PLEK: variants seen among roughly 807,000 people sequenced by gnomAD.
The protein encoded by PLEK is platelet 47 kDa protein.
A neutral mutation model predicts 43.9 loss-of-function variants in PLEK; 25 were observed. The ratio of observed to expected loss-of-function variants is 0.57; its 90% CI spans 0.41 to 0.79. The LOEUF (loss-of-function observed/expected upper bound fraction) is 0.79. Among genes scored for constraint, PLEK ranks in the 30% least tolerant of loss-of-function variants. The probability of loss-of-function intolerance (pLI) is 0.00; values close to 1 mark genes in which losing one functional copy is unlikely to be tolerated. For synonymous variants in PLEK, 152 were observed against 144.4 expected, an observed-to-expected ratio of 1.05 and a Z score of -0.38; for missense variants, 396 against 413.3, an observed-to-expected ratio of 0.96 and a Z score of 0.36.
At chr2:68,366,264 A>G (rs560732669) in intron 1 of PLEK, among the ~76,000 whole-genome samples, 1 of 152,336 alleles carries the variant, frequency 6.6e-6, no homozygotes, top group South Asian at 2.1e-4. Flanking sequence ...AGTTGAATGA[A>G]CAGTGAATGT....
At chr2:68,381,125 C>T (rs1162546532) in intron 3 of PLEK, among the ~76,000 whole-genome samples, 1 of 116,318 alleles carries the variant, frequency 8.6e-6, no homozygotes, top group Non-Finnish European at 1.7e-5. Context: ...TTCCCTCATA[C>T]TGGGTACCAG....
Position 68,380,819 on chromosome 2 carries a change from G to T in PLEK, c.295G>T (p.Ala99Ser), listed in dbSNP as rs1452449040. ...RDAWVRDIKK[A>S]IKCIEGGQKF... ...TGCCTGGGTTCGGGATATCAAGAAGGCCATTAAATGCATTGAAGGAGGCCA... is the reference window on the plus strand; with the variant it reads ...TGCCTGGGTTCGGGATATCAAGAAGTCCATTAAATGCATTGAAGGAGGCCA... The change falls in exon 3 of 9, where the codon GCC becomes TCC. Residue 99 changes from alanine (A) to serine (S), a missense_variant. Transcript: ENST00000234313. 6.2e-7 allele frequency: 1 copy of T among 1,613,950 alleles called. No homozygotes were observed. Among genetic ancestry groups the T allele is most frequent in the Admixed American group, 1.7e-5 (1 of 59,996 alleles).
At position 68,393,238 on chromosome 2, in the gene PLEK, C is replaced by A; in HGVS notation, c.839C>A (p.Pro280His). 1 of 1,599,948 alleles carries A rather than the reference C, an allele frequency of 6.3e-7. No individual in the cohort carries two copies. The highest frequency in any genetic ancestry group is 8.6e-7 in the Non-Finnish European group (1 of 1,167,096). Residue 280 changes from proline to histidine, a missense_variant, in exon 7 of 9, where the codon CCT becomes CAT. By Grantham distance (77) the Pro-to-His change is moderately conservative. Coordinates refer to ENST00000234313, the MANE Select transcript of PLEK (RefSeq NM_002664.3). ...EDPAYLHYYD[P>H]AGAEDPLGAI... ...CCTGCCTACCTGCACTACTATGACC[C>A]TGCTGGGGTAAGGTCCTGTGGTTCA...
At position 68,386,533 on chromosome 2, in the gene PLEK, C is replaced by A. The variant is rs182137525; in HGVS notation, c.504C>A (p.Asn168Lys). ...GNCVIDWLVS[N>K]QSVRNRQEGL... is the part of the protein sequence containing the mutation. Reference sequence around the variant, plus strand: ...GCGTCATTGATTGGCTGGTATCCAACCAGTCTGTTAGGAATCGCCAGGAAG... The same window carrying A: ...GCGTCATTGATTGGCTGGTATCCAAACAGTCTGTTAGGAATCGCCAGGAAG... Residue 168 changes from asparagine (N) to lysine (K), a missense_variant, in exon 5 of 9, where the codon AAC becomes AAA. Asn to Lys is a moderately conservative substitution (Grantham distance 94). Coordinates refer to ENST00000234313, the MANE Select transcript of PLEK (RefSeq NM_002664.3). The A allele has an allele frequency of 2.0e-5, 33 of 1,613,654 alleles. No individual in the cohort carries two copies. In the African/African-American group the frequency reaches 3.2e-4, roughly 16 times the overall value.
At chr2:68,393,394 T>C (rs112764322) in intron 7 of PLEK, 149 bp downstream of exon 7, 8 of 625,888 alleles carry the variant, frequency 1.3e-5, no homozygotes, top group African/African-American at 9.1e-5. Context: ...TCTACCTTTT[T>C]CTATCCCCTT....
Position 68,396,032 on chromosome 2 carries a change from A to T in PLEK, c.*216A>T. The stretch of plus-strand genomic sequence containing the variant: ...CCCTCTGCCCCTATCCATGACCCCC[A>T]AGCAGATATAACAAGCTGTGCAGCC... On this transcript the variant is annotated 3_prime_UTR_variant, in exon 9 of 9. Transcript: ENST00000234313. 1 of 511,396 alleles carries T rather than the reference A, an allele frequency of 2.0e-6. No individual in the cohort carries two copies. 31.7% of individuals were successfully genotyped at this position (511,396 alleles called of 1,614,324 possible).
intron 6 of PLEK, among the ~76,000 whole-genome samples, chr2:68,392,200 C>A (rs1354267199): frequency 1.4e-5 from 2 of 138,210 alleles, no homozygotes; most frequent in African/African-American, 5.9e-5. Flanking sequence ...CTTTCTCCTC[C>A]TCCTCCTCTT....
chr2:68,371,766 C>T lies in PLEK; in HGVS notation c.42+6373C>T, dbSNP rs529036991. Among the ~76,000 whole-genome samples the T allele has an allele frequency of 2.0e-5, 3 of 151,066 alleles. No individual in the cohort carries two copies. In the East Asian group the frequency reaches 6.0e-4, roughly 30 times the overall value. ...ATCATTTTCCTTGCTTTCGATCTTA[C>T]ACTTCTCTGTATACAACCACAACGA... On this transcript the variant is annotated intron_variant, in intron 1 of 8. Transcript: ENST00000234313.
At chr2:68,368,549 C>T (rs1673327359) in intron 1 of PLEK, among the ~76,000 whole-genome samples, 1 of 152,216 alleles carries the variant, frequency 6.6e-6, no homozygotes, top group Non-Finnish European at 1.5e-5. Flanking sequence ...AGAGCCAGAG[C>T]AAGGCACGAA....
intron 6 of PLEK, among the ~76,000 whole-genome samples, chr2:68,391,539 G>A (rs1673859311): frequency 6.6e-6 from 1 of 152,212 alleles, no homozygotes; most frequent in African/African-American, 2.4e-5. Context: ...TGACTCTGCA[G>A]GGGTTCCAGC....
At position 68,395,864 on chromosome 2, in the gene PLEK, A is replaced by T. The variant is rs758638620; in HGVS notation, c.*48A>T. The T allele has an allele frequency of 2.6e-6, 4 of 1,537,050 alleles. No individual in the cohort carries two copies. The Admixed American group carries it at 6.8e-5, about 26-fold the overall frequency. ...CCCTCCTGAGGGAAGCCCATGGACA[A>T]GCTCAGTCCAGGACCTGTCCACTTC... is the stretch of plus-strand genomic sequence containing the variant. On this transcript the variant is annotated 3_prime_UTR_variant, in exon 9 of 9. Coordinates refer to ENST00000234313, the MANE Select transcript of PLEK (RefSeq NM_002664.3).
chr2:68,385,926 A>T (rs899612887), intron 4 of PLEK, among the ~76,000 whole-genome samples: 1 of 152,148 alleles, frequency 6.6e-6, no homozygotes, highest in Non-Finnish European at 1.5e-5. Flanking sequence ...AATTTCTCCA[A>T]CACCCAGTAG....
chr2:68,383,557 G>T (rs536086434), intron 4 of PLEK, among the ~76,000 whole-genome samples: 1 of 152,266 alleles, frequency 6.6e-6, no homozygotes, highest in South Asian at 2.1e-4. Context: ...GATGGGCAAA[G>T]GATGGTGAGG....
In PLEK at chr2:68,380,224, T is replaced by A. The variant is rs535069934; in HGVS notation, c.43-104T>A. On this transcript the variant is annotated intron_variant, in intron 1 of 8. Transcript: ENST00000234313. ...GGAACAGAGATGATGTCACCAAACA[T>A]TTTAAAAACCAACTGTAAGTAAATA... 4.1e-3 allele frequency: 3,906 copies of A among 946,250 alleles called. 21 individuals are homozygous for A. Among genetic ancestry groups the A allele is most frequent in the Non-Finnish European group, 4.6e-3 (2,921 of 638,372 alleles). 58.6% of individuals were successfully genotyped at this position (946,250 alleles called of 1,614,324 possible).
At chr2:68,383,676 G>T (rs1196260838) in intron 4 of PLEK, among the ~76,000 whole-genome samples, 2 of 152,144 alleles carry the variant, frequency 1.3e-5, no homozygotes, top group Non-Finnish European at 2.9e-5. Context: ...TGTACAATTT[G>T]GTACTAAGTT....
At chr2:68,386,435 G>A (rs1173388570) in intron 4 of PLEK, 67 bp from the exon 5 acceptor site, 1 of 1,287,500 alleles carries the variant, frequency 7.8e-7, no homozygotes, top group Non-Finnish European at 1.1e-6. Context: ...AGTCAGTTCA[G>A]GGGTGATTGT....
intron 1 of PLEK, among the ~76,000 whole-genome samples, chr2:68,366,972 A>G (rs1205705764): frequency 1.3e-5 from 2 of 152,222 alleles, no homozygotes; most frequent in East Asian, 3.8e-4. Flanking sequence ...TAAATTTCTA[A>G]TAAGTGAAGC....
intron 1 of PLEK, among the ~76,000 whole-genome samples, chr2:68,369,622 A>G (rs774065142): frequency 2.6e-5 from 4 of 151,684 alleles, no homozygotes; most frequent in East Asian, 1.9e-4. Context: ...TTTCAAATGT[A>G]TACTACATGC....
At chr2:68,369,482 C>CTT (rs367660375) in intron 1 of PLEK, among the ~76,000 whole-genome samples, 50 of 135,124 alleles carry the variant, frequency 3.7e-4, no homozygotes, top group Middle Eastern at 3.8e-3. Flanking sequence ...AAACCGTACT[C>CTT]TTTTTTTTTT....
Sources: gnomAD v4.1 joint callset for allele counts (sites outside exome capture counted in the v4.1 genomes callset) on GRCh38, gnomAD v4.1.1 for gene constraint, MANE v1.5 for transcripts, NCBI Gene and HGNC (gene_info 2026-07-23, HGNC 2026-07-21) for gene names.